The following RP1 variants were observed in gnomAD, a reference collection of about 807,000 sequenced individuals.
RP1 encodes the protein RP1 axonemal microtubule associated, also known as oxygen-regulated protein 1.
In RP1, 16 loss-of-function variants were observed where a neutral mutation model predicts 14.8. The ratio of observed to expected loss-of-function variants is 1.08; its 90% confidence interval spans 0.73 to 1.65. The LOEUF (loss-of-function observed/expected upper bound fraction) is 1.65. RP1 is among the 40% of genes most tolerant of loss of function. The probability of loss-of-function intolerance (pLI) is 0.00; values close to 1 mark genes in which losing one functional copy is unlikely to be tolerated. For synonymous variants in RP1, 876 were observed against 883.6 expected (o/e 0.99, Z 0.15); for missense variants, 2,631 against 2,535.0 (o/e 1.04, Z -0.81).
rs375877155 is a variant in RP1, at chr8:54,670,671, TTATATATATATA to T, written c.1324-3154_1324-3143del. On this transcript the variant is annotated intron_variant, in intron 7 of 22. Coordinates refer to the RP1 transcript ENST00000636932. ...ATATTTATGAATAATATATATGTTT[TTATATATATATA>T]TATATATATATATATATATATATAA... Among the ~76,000 whole-genome samples, 358 of 62,550 alleles carry T rather than the reference TTATATATATATA, an allele frequency of 5.7e-3. 13 individuals carry two copies. Among genetic ancestry groups the T allele is most frequent in the Non-Finnish European group, 6.7e-3 (229 of 34,112 alleles). 41.0% of individuals were successfully genotyped at this position (62,550 alleles called of 152,430 possible).
chr8:54,767,084 C>A (rs1273213270), intron 22 of RP1, among the ~76,000 whole-genome samples: 1 of 152,192 alleles, frequency 6.6e-6, no homozygotes, highest in African/African-American at 2.4e-5. Context: ...TGTTGACTGG[C>A]AGTCACCCCA....
chr8:54,622,412 T>TA, intron 3 of RP1, 124 bp downstream of exon 3: 1 of 798,582 alleles, frequency 1.3e-6, no homozygotes, highest in South Asian at 1.5e-5. Context: ...GGAGAGGATT[T>TA]AAAAACATTC....
At chr8:54,755,918 T>G (rs937792447) in intron 21 of RP1, 9 of 726,222 alleles carry the variant, frequency 1.2e-5, no homozygotes, top group Non-Finnish European at 1.8e-5. Context: ...CTTCCTAATG[T>G]GCTTTGTTTT....
chr8:54,624,461 A>G (rs1237627767), intron 3 of RP1, among the ~76,000 whole-genome samples: 3 of 150,886 alleles, frequency 2.0e-5, no homozygotes, highest in Non-Finnish European at 3.0e-5. Flanking sequence ...AAAAAAAAAA[A>G]AAAAAAGAAA....
intron 15 of RP1, among the ~76,000 whole-genome samples, chr8:54,712,487 G>C (rs966062924): frequency 1.3e-5 from 2 of 152,184 alleles, no homozygotes; most frequent in Non-Finnish European, 2.9e-5. Flanking sequence ...GGGTTCTCCT[G>C]TGGGTCACCA....
At chr8:54,740,810 G>T (rs1039261987) in intron 19 of RP1, among the ~76,000 whole-genome samples, 14 of 152,072 alleles carry the variant, frequency 9.2e-5, no homozygotes, top group Non-Finnish European at 1.0e-4. Context: ...TTGGGAGGCC[G>T]AAGTGGAATG....
chr8:54,769,822 G>C (rs937289793), exon 23 of RP1: 5 of 1,497,236 alleles, frequency 3.3e-6, no homozygotes, highest in Non-Finnish European at 4.5e-6. Flanking sequence ...GAAACCATCA[G>C]TAGAAGAAAG....
intron 22 of RP1, among the ~76,000 whole-genome samples, chr8:54,759,283 A>T (rs1278481723): frequency 1.3e-5 from 2 of 152,122 alleles, no homozygotes; most frequent in Non-Finnish European, 1.5e-5. Context: ...GACTTATCTT[A>T]TAATTTCTTA....
At chr8:54,735,789 T>C (rs1406721950) in intron 18 of RP1, among the ~76,000 whole-genome samples, 1 of 152,206 alleles carries the variant, frequency 6.6e-6, no homozygotes, top group African/African-American at 2.4e-5. Flanking sequence ...AATGTGTATG[T>C]ATGGTTAGAT....
intron 15 of RP1, among the ~76,000 whole-genome samples, chr8:54,709,868 G>T (rs1018346751): frequency 2.0e-5 from 3 of 152,184 alleles, no homozygotes; most frequent in South Asian, 2.1e-4. Context: ...GTCCATATAT[G>T]CTGGGGTGTT....
chr8:54,777,996 T>C (rs1482345663), intron 23 of RP1, among the ~76,000 whole-genome samples: 1 of 152,236 alleles, frequency 6.6e-6, no homozygotes, highest in Non-Finnish European at 1.5e-5. Flanking sequence ...ATAATCTTAA[T>C]AGTATCTTGA....
chr8:54,650,674 C>T (rs1806637772), intron 4 of RP1, among the ~76,000 whole-genome samples: 1 of 139,086 alleles, frequency 7.2e-6, no homozygotes, highest in Non-Finnish European at 1.6e-5. Context: ...CCCCGTCTAC[C>T]TCCCTCCTCC....
exon 15 of RP1, chr8:54,706,617 A>G (rs1398356918): frequency 6.5e-7 from 1 of 1,535,986 alleles, no homozygotes; most frequent in Non-Finnish European, 8.7e-7. Context: ...AAATGCACAA[A>G]TGTATCTAAG....
chr8:54,637,760 G>A (rs1285887917), intron 3 of RP1, among the ~76,000 whole-genome samples: 2 of 151,808 alleles, frequency 1.3e-5, no homozygotes, highest in Non-Finnish European at 2.9e-5. Flanking sequence ...TTCCTCAGCT[G>A]AGCCTTTTAG....
chr8:54,614,931 G>C (rs1334215819), upstream of RP1, among the ~76,000 whole-genome samples: 1 of 152,148 alleles, frequency 6.6e-6, no homozygotes, highest in Non-Finnish European at 1.5e-5. Flanking sequence ...AAAGTCAAGA[G>C]AAATGCTGCA....
chr8:54,686,705 G>A (rs954885934), intron 12 of RP1, among the ~76,000 whole-genome samples: 24 of 152,102 alleles, frequency 1.6e-4, no homozygotes, highest in African/African-American at 4.6e-4. Context: ...GACAATGAAA[G>A]CTATTCAGTT....
At chr8:54,648,642 A>G (rs973955724) in intron 3 of RP1, among the ~76,000 whole-genome samples, 2 of 152,156 alleles carry the variant, frequency 1.3e-5, no homozygotes, top group African/African-American at 4.8e-5. Flanking sequence ...AGAGCTGAGA[A>G]TATTGGAGAT....
chr8:54,784,662 G>A (rs1169861790), intron 24 of RP1, among the ~76,000 whole-genome samples: 2 of 151,966 alleles, frequency 1.3e-5, no homozygotes, highest in Admixed American at 1.3e-4. Context: ...ATAGCACATT[G>A]CCTCCAAAAA....
intron 1 of RP1, among the ~76,000 whole-genome samples, chr8:54,603,646 G>A (rs969333052): frequency 2.6e-5 from 4 of 152,104 alleles, no homozygotes; most frequent in African/African-American, 9.7e-5. Context: ...CCATTTTCAC[G>A]ATATTGATTC....
Sources: allele counts gnomAD v4.1 joint callset (sites outside exome capture counted in the v4.1 genomes callset), GRCh38; gene constraint gnomAD v4.1.1; transcripts MANE v1.5; gene names NCBI Gene and HGNC (gene_info 2026-07-23, HGNC 2026-07-21).